SPATA16: variants seen among roughly 807,000 people sequenced by gnomAD.
SPATA16 encodes the protein spermatogenesis-associated protein 16.
In SPATA16, 36 loss-of-function variants were observed where a neutral mutation model predicts 63.3. The observed-to-expected ratio is 0.57, with a 90% CI of 0.44 to 0.75. SPATA16 has a LOEUF of 0.75. Among genes scored for constraint, SPATA16 ranks in the 30% least tolerant of loss-of-function variants. The pLI is 0.00. For missense variants in SPATA16, 646 were observed against 679.3 expected (o/e 0.95, Z 0.54); for synonymous variants, 203 against 216.7 (o/e 0.94, Z 0.56).
At chr3:173,028,805 A>G (rs1051846290) in intron 3 of SPATA16, among the ~76,000 whole-genome samples, 1 of 152,042 alleles carries the variant, frequency 6.6e-6, no homozygotes, top group African/African-American at 2.4e-5. Context: ...CCTTCACCAT[A>G]TAGTCCCTTG....
rs751905415 is a variant in SPATA16, at chr3:173,117,312, T to C, written c.420A>G (p.Val140=). Residue 140 remains valine (V), a synonymous_variant, in exon 2 of 11, where the codon GTA becomes GTG. Coordinates refer to ENST00000351008, the MANE Select transcript of SPATA16 (RefSeq NM_031955.6). The part of the protein sequence containing the change: ...IDEMGVRYEF[V]ESFMSTGSQP... Reference sequence around the variant, plus strand: ...GACTCCCAGTAGACATGAAGGACTCTACAAACTCATAGCGAACACCCATTT... The same window carrying C: ...GACTCCCAGTAGACATGAAGGACTCCACAAACTCATAGCGAACACCCATTT... 2 of 1,614,188 alleles carry C rather than the reference T, an allele frequency of 1.2e-6. No homozygotes were observed. The highest frequency in any genetic ancestry group is 1.7e-6 in the Non-Finnish European group (2 of 1,180,010).
chr3:173,104,489 G>T (rs1737573895), intron 2 of SPATA16, among the ~76,000 whole-genome samples: 2 of 152,134 alleles, frequency 1.3e-5, no homozygotes, highest in Non-Finnish European at 1.5e-5. Context: ...CTTCTGGTGA[G>T]GTCTCAGGTT....
intron 2 of SPATA16, among the ~76,000 whole-genome samples, chr3:173,111,668 A>G (rs1737752793): frequency 1.3e-5 from 2 of 152,234 alleles, no homozygotes; most frequent in African/African-American, 4.8e-5. Flanking sequence ...CAGAGCAATT[A>G]TAGGTGAGGC....
At chr3:173,116,026 T>C (rs561453427) in intron 2 of SPATA16, among the ~76,000 whole-genome samples, 21 of 152,168 alleles carry the variant, frequency 1.4e-4, no homozygotes, top group African/African-American at 4.3e-4. Context: ...CTGTTGTAGC[T>C]AGTAGTATAG....
At chr3:173,105,588 G>C (rs1161618340) in intron 2 of SPATA16, among the ~76,000 whole-genome samples, 1 of 152,122 alleles carries the variant, frequency 6.6e-6, no homozygotes, top group African/African-American at 2.4e-5. Flanking sequence ...GGTGGCTTCA[G>C]GTACTGATGA....
At chr3:173,030,676 CA>C (rs1735584421) in intron 3 of SPATA16, among the ~76,000 whole-genome samples, 2 of 152,092 alleles carry the variant, frequency 1.3e-5, no homozygotes, top group South Asian at 4.2e-4. Flanking sequence ...GGAAGTTCCT[CA>C]AAAAGTTAAA....
intron 4 of SPATA16, among the ~76,000 whole-genome samples, chr3:172,982,764 A>G (rs1302052183): frequency 6.6e-6 from 1 of 152,204 alleles, no homozygotes; most frequent in Non-Finnish European, 1.5e-5. Context: ...GAGTACAAGC[A>G]CATTTATGTT....
intron 2 of SPATA16, among the ~76,000 whole-genome samples, chr3:173,088,496 C>T (rs1163321118): frequency 2.0e-5 from 3 of 151,138 alleles, no homozygotes; most frequent in Non-Finnish European, 4.4e-5. Flanking sequence ...GGAATTTTTA[C>T]ACATATGTGT....
intron 1 of SPATA16, among the ~76,000 whole-genome samples, chr3:173,132,798 G>C (rs2108348850): frequency 6.6e-6 from 1 of 152,162 alleles, no homozygotes; most frequent in East Asian, 1.9e-4. Flanking sequence ...AGAAATAAAA[G>C]GGATCAAATA....
At chr3:172,996,583 A>G (rs903476126) in intron 4 of SPATA16, among the ~76,000 whole-genome samples, 1 of 151,740 alleles carries the variant, frequency 6.6e-6, no homozygotes, top group Non-Finnish European at 1.5e-5. Flanking sequence ...ACCCACCACA[A>G]CCTCCCCGAC....
At chr3:172,918,060 A>G (rs530402709) in intron 8 of SPATA16, among the ~76,000 whole-genome samples, 12 of 152,326 alleles carry the variant, frequency 7.9e-5, no homozygotes, top group South Asian at 4.1e-4. Flanking sequence ...CTATAAATCT[A>G]TAAGATTGAT....
intron 6 of SPATA16, among the ~76,000 whole-genome samples, chr3:172,950,805 A>G (rs1733412082): frequency 6.6e-6 from 1 of 152,150 alleles, no homozygotes; most frequent in African/African-American, 2.4e-5. Context: ...TTGGAAAGAC[A>G]AAATATGACT....
intron 2 of SPATA16, among the ~76,000 whole-genome samples, chr3:173,060,234 G>T (rs940881161): frequency 7.9e-5 from 12 of 152,126 alleles, no homozygotes; most frequent in African/African-American, 2.9e-4. Flanking sequence ...TCCAGCCCAG[G>T]TGACAACAGC....
At chr3:173,006,917 A>G (rs748143180) in intron 4 of SPATA16, among the ~76,000 whole-genome samples, 1 of 152,204 alleles carries the variant, frequency 6.6e-6, no homozygotes. Context: ...CATTTATAGC[A>G]CAGACCCTAA....
chr3:173,077,678 C>T (rs754049545), intron 2 of SPATA16, among the ~76,000 whole-genome samples: 4 of 152,168 alleles, frequency 2.6e-5, no homozygotes, highest in Non-Finnish European at 4.4e-5. Context: ...AAGAAGAGAA[C>T]GATTACTTTC....
intron 3 of SPATA16, among the ~76,000 whole-genome samples, chr3:173,033,721 G>T (rs116716334): frequency 3.9e-5 from 6 of 152,110 alleles, no homozygotes; most frequent in African/African-American, 1.4e-4. Flanking sequence ...TAGTTTTTAG[G>T]GGGGACGGAG....
At chr3:172,958,563 A>AG (rs1733659548) in intron 5 of SPATA16, among the ~76,000 whole-genome samples, 1 of 152,140 alleles carries the variant, frequency 6.6e-6, no homozygotes, top group Non-Finnish European at 1.5e-5. Flanking sequence ...CTGCCTTTGT[A>AG]AGCTATTGGT....
Position 173,062,776 on chromosome 3 carries a change from G to A in SPATA16, c.613-13682C>T, listed in dbSNP as rs996829537. 7.9e-5 allele frequency among the ~76,000 whole-genome samples: 12 copies of A among 152,086 alleles called. No homozygotes were observed. The South Asian group carries it at 1.9e-3, about 24-fold the overall frequency. ...GTTTCCTGGAAGACATTTTTTCCACGGACAGGTTGGAGGGTGGATGGTTTC... is the reference window on the plus strand; with the variant it reads ...GTTTCCTGGAAGACATTTTTTCCACAGACAGGTTGGAGGGTGGATGGTTTC... On this transcript the variant is annotated intron_variant, in intron 2 of 10. Coordinates refer to ENST00000351008, the MANE Select transcript of SPATA16 (RefSeq NM_031955.6).
At chr3:173,137,856 CACACACACACACACACAG>C (rs1738591288) in intron 1 of SPATA16, among the ~76,000 whole-genome samples, 1 of 150,724 alleles carries the variant, frequency 6.6e-6, no homozygotes, top group Non-Finnish European at 1.5e-5. Flanking sequence ...CACACACACA[CACACACACACACACACAG>C]ACACACACAC....
Sources: allele counts gnomAD v4.1 joint callset (sites outside exome capture counted in the v4.1 genomes callset), GRCh38; gene constraint gnomAD v4.1.1; transcripts MANE v1.5; gene names NCBI Gene and HGNC (gene_info 2026-07-23, HGNC 2026-07-21).